Variants in UTRN observed in about 807,000 individuals in gnomAD.
UTRN encodes the protein dystrophin-related protein 1.
A neutral mutation model predicts 463.9 loss-of-function variants in UTRN; 283 were observed. The observed-to-expected ratio is 0.61, with a 90% CI of 0.55 to 0.67. The LOEUF is 0.67. Among genes scored for constraint, UTRN ranks in the 30% least tolerant of loss-of-function variants. UTRN has a pLI of 0.00. For synonymous variants in UTRN, 1,442 were observed against 1,431.5 expected (o/e 1.01, Z -0.17); for missense variants, 3,922 against 4,084.3 (o/e 0.96, Z 1.08).
chr6:144,558,225 A>T (rs1799559264), intron 50 of UTRN, among the ~76,000 whole-genome samples: 1 of 152,184 alleles, frequency 6.6e-6, no homozygotes, highest in Non-Finnish European at 1.5e-5. Context: ...ATTTTTAGTT[A>T]CAATCTCTGA....
At chr6:144,401,857 G>A (rs547354310) in intron 2 of UTRN, among the ~76,000 whole-genome samples, 1 of 152,264 alleles carries the variant, frequency 6.6e-6, no homozygotes, top group Admixed American at 6.5e-5. Context: ...ACACTGGAGG[G>A]CCAAGCACAC....
At chr6:144,431,013 A>AT (rs1785782832) in intron 9 of UTRN, among the ~76,000 whole-genome samples, 1 of 152,190 alleles carries the variant, frequency 6.6e-6, no homozygotes, top group South Asian at 2.1e-4. Flanking sequence ...TGAATATCAA[A>AT]TGATGCTGAG....
chr6:144,461,641 C>T (rs565117819), intron 22 of UTRN, among the ~76,000 whole-genome samples: 4 of 152,258 alleles, frequency 2.6e-5, no homozygotes, highest in East Asian at 1.9e-4. Flanking sequence ...TATCAGTTGA[C>T]GTGTTGATGT....
chr6:144,774,449 G>A (rs1775137465), intron 60 of UTRN, 85 bp downstream of exon 60: 5 of 1,256,264 alleles, frequency 4.0e-6, no homozygotes, highest in Non-Finnish European at 5.5e-6. Context: ...GAAGAGGATG[G>A]AGTGTTTGCC....
chr6:144,636,508 C>T (rs1255642008), intron 51 of UTRN, among the ~76,000 whole-genome samples: 2 of 151,978 alleles, frequency 1.3e-5, no homozygotes, highest in East Asian at 1.9e-4. Context: ...CAATCCTGCA[C>T]GTTCTGCACA....
chr6:144,837,083 G>T (rs901746632), intron 71 of UTRN: 2 of 157,296 alleles, frequency 1.3e-5, no homozygotes, highest in Non-Finnish European at 2.8e-5. Flanking sequence ...ATGAATACAT[G>T]CATGTATGGA....
intron 24 of UTRN, 60 bp downstream of exon 24, chr6:144,473,893 A>G (rs1790923380): frequency 8.6e-7 from 1 of 1,162,380 alleles, no homozygotes; most frequent in Admixed American, 2.0e-5. Context: ...TTTCTATGTT[A>G]TTTGCTGCTA....
In UTRN at chr6:144,781,866, T is replaced by TATGTA. The variant is rs527712545; in HGVS notation, c.8633-37_8633-33dup. 1,922 of 1,321,610 alleles carry TATGTA rather than the reference T, an allele frequency of 1.5e-3. 12 individuals carry two copies. In the African/African-American group the frequency reaches 0.019, roughly 13 times the overall value. 81.9% of individuals were successfully genotyped at this position (1,321,610 alleles called of 1,614,324 possible). On this transcript the variant is annotated intron_variant, in intron 60 of 74. Coordinates refer to ENST00000367545, the MANE Select transcript of UTRN (RefSeq NM_007124.3). ...AGAAATGCCTTTGTTGTGATGTTGT[T>TATGTA]ATGTAATGTAATGTAATGTAATGAC...
chr6:144,395,052 A>G (rs1243034619), intron 2 of UTRN, among the ~76,000 whole-genome samples: 1 of 152,124 alleles, frequency 6.6e-6, no homozygotes, highest in African/African-American at 2.4e-5. Context: ...AGATTTCTGC[A>G]GACAGTTTGT....
At chr6:144,362,367 C>A (rs925740907) in intron 2 of UTRN, among the ~76,000 whole-genome samples, 3 of 152,240 alleles carry the variant, frequency 2.0e-5, no homozygotes, top group African/African-American at 7.2e-5. Context: ...AGACTGCTGA[C>A]CTCCAGGAGC....
chr6:144,449,226 G>T (rs946600927), intron 17 of UTRN, among the ~76,000 whole-genome samples: 3 of 152,112 alleles, frequency 2.0e-5, no homozygotes, highest in Non-Finnish European at 4.4e-5. Context: ...TATATCTTCT[G>T]TCTGCTCTAG....
At position 144,622,181 on chromosome 6, in the gene UTRN, G is replaced by GTT. The variant is rs1290959363; in HGVS notation, c.7479+44894_7479+44895dup. Among the ~76,000 whole-genome samples the GTT allele has an allele frequency of 6.9e-3, 508 of 73,596 alleles. 15 individuals carry two copies. Among genetic ancestry groups the GTT allele is most frequent in the African/African-American group, 0.024 (483 of 20,360 alleles). 48.3% of individuals were successfully genotyped at this position (73,596 alleles called of 152,430 possible). On this transcript the variant is annotated intron_variant, in intron 51 of 74. Coordinates refer to ENST00000367545, the MANE Select transcript of UTRN (RefSeq NM_007124.3). ...CAATAGATGGTATCCATTTTTTTTT[G>GTT]TTGTTTTTTTTTTTTTTTTTTTTTG...
At chr6:144,521,008 G>C (rs558067843) in intron 39 of UTRN, among the ~76,000 whole-genome samples, 1 of 151,856 alleles carries the variant, frequency 6.6e-6, no homozygotes, top group Non-Finnish European at 1.5e-5. Context: ...GAAGAGGGCC[G>C]GGCATGGTGG....
chr6:144,526,944 C>T (rs7743279), intron 41 of UTRN, among the ~76,000 whole-genome samples: 1,669 of 151,936 alleles, frequency 0.011, 36 homozygotes, highest in African/African-American at 0.039. Context: ...TACAGGTGCC[C>T]ACCACCATGC....
intron 52 of UTRN, among the ~76,000 whole-genome samples, chr6:144,697,337 A>T (rs1784123328): frequency 6.6e-6 from 1 of 152,182 alleles, no homozygotes; most frequent in East Asian, 1.9e-4. Flanking sequence ...ATCACTAGTT[A>T]TCAATAGTCT....
At chr6:144,839,393 A>T (rs938042186) in intron 72 of UTRN, 109 bp downstream of exon 72, 22 of 829,932 alleles carry the variant, frequency 2.7e-5, no homozygotes, top group Non-Finnish European at 4.0e-5. Flanking sequence ...TTAGGAAGTA[A>T]AAGAGTTTTT....
intron 53 of UTRN, chr6:144,708,247 G>A (rs1461404817): frequency 4.6e-5 from 29 of 635,736 alleles, no homozygotes; most frequent in South Asian, 1.3e-4. Flanking sequence ...GTAATTCTGC[G>A]ATTGCTTCAA....
At chr6:144,748,677 C>A (rs1414696763) in intron 55 of UTRN, among the ~76,000 whole-genome samples, 163 bp downstream of exon 55, 1 of 152,182 alleles carries the variant, frequency 6.6e-6, no homozygotes, top group Non-Finnish European at 1.5e-5. Flanking sequence ...TTCCATATGA[C>A]CCTCATTGGG....
Position 144,413,984 on chromosome 6 carries a change from A to G in UTRN, c.142-7894A>G, listed in dbSNP as rs940061057. Among the ~76,000 whole-genome samples the G allele has an allele frequency of 1.2e-4, 19 of 152,088 alleles. No individual in the cohort carries two copies. In the East Asian group the frequency reaches 3.7e-3, roughly 29 times the overall value. ...ACGACTGGCTAATTTTTGTATTTTT[A>G]GTAGAGACGGGATTTCACCATATTG... On this transcript the variant is annotated intron_variant, in intron 3 of 74. Coordinates refer to ENST00000367545, the MANE Select transcript of UTRN (RefSeq NM_007124.3).
Sources: allele counts gnomAD v4.1 joint callset (sites outside exome capture counted in the v4.1 genomes callset), GRCh38; gene constraint gnomAD v4.1.1; transcripts MANE v1.5; gene names NCBI Gene and HGNC (gene_info 2026-07-23, HGNC 2026-07-21).